Variants in NIBAN2 observed in about 807,000 individuals in gnomAD.
NIBAN2 encodes niban apoptosis regulator 2, also known as protein Niban 2.
Under a neutral mutation model 81.8 loss-of-function variants are expected in NIBAN2, and 36 were observed. That is an observed-to-expected ratio of 0.44 (90% CI 0.34 to 0.58). The LOEUF (loss-of-function observed/expected upper bound fraction) is 0.58. Ranked by LOEUF, NIBAN2 falls within the 20% of genes least tolerant of loss-of-function variation. The pLI is 0.02. For synonymous variants in NIBAN2, 445 were observed against 441.6 expected (o/e 1.01, Z -0.10); for missense variants, 897 against 1,014.1 (o/e 0.88, Z 1.57).
At chr9:127,525,235 G>T in intron 3 of NIBAN2, 72 bp from the exon 4 acceptor site, 1 of 1,153,928 alleles carries the variant, frequency 8.7e-7, no homozygotes, top group Non-Finnish European at 1.3e-6. Flanking sequence ...TGGCTTCAAG[G>T]CCCTACTCAG....
At chr9:127,553,054 G>A (rs1837607438) in intron 1 of NIBAN2, among the ~76,000 whole-genome samples, 2 of 152,150 alleles carry the variant, frequency 1.3e-5, no homozygotes, top group Non-Finnish European at 2.9e-5. Context: ...TAAGGTAGAA[G>A]AACAAATTAT....
chr9:127,555,503 C>T (rs1383846933), intron 1 of NIBAN2, among the ~76,000 whole-genome samples: 1 of 152,226 alleles, frequency 6.6e-6, no homozygotes, highest in African/African-American at 2.4e-5. Flanking sequence ...CAGCGGCGGA[C>T]CCTGGGCCTC....
rs1564320643 is a variant in NIBAN2 at position 127,563,984 on chromosome 9, T to C, written c.55+4836A>G. On this transcript the variant is annotated intron_variant, in intron 1 of 13. Coordinates refer to ENST00000373312, the MANE Select transcript of NIBAN2 (RefSeq NM_022833.4). This position sits in a 1 kb window ranked among gnomAD's most constrained non-coding sequence, Gnocchi z 4.1. The stretch of plus-strand genomic sequence containing the variant: ...ACGCCTGCTGCCTTCTTAAAGGCTA[T>C]GTGTCCATCTATCAAAAGGTGACCC... Among the ~76,000 whole-genome samples, 1 of 152,178 alleles carries C rather than the reference T, an allele frequency of 6.6e-6. No homozygotes were observed. Among genetic ancestry groups the C allele is most frequent in the Non-Finnish European group, 1.5e-5 (1 of 68,026 alleles).
chr9:127,520,425 A>G (rs1458890499), intron 5 of NIBAN2, among the ~76,000 whole-genome samples: 1 of 151,756 alleles, frequency 6.6e-6, no homozygotes, highest in Non-Finnish European at 1.5e-5. Flanking sequence ...TTTAGTAGAG[A>G]TGGGTTTTCA....
chr9:127,521,894 C>T (rs1038937109), intron 5 of NIBAN2, among the ~76,000 whole-genome samples: 1 of 152,238 alleles, frequency 6.6e-6, no homozygotes, highest in Non-Finnish European at 1.5e-5. Flanking sequence ...CAGCTCTTCC[C>T]AATCATCTCT....
At chr9:127,572,294 G>A (rs772830796), upstream of NIBAN2, among the ~76,000 whole-genome samples, 1 of 152,180 alleles carries the variant, frequency 6.6e-6, no homozygotes, top group African/African-American at 2.4e-5. Flanking sequence ...GATTACAGGT[G>A]TGAGCCACCA....
At chr9:127,527,357 G>A in intron 2 of NIBAN2, 35 bp from the exon 3 acceptor site, 1 of 1,595,614 alleles carries the variant, frequency 6.3e-7, no homozygotes, top group African/African-American at 1.3e-5. Flanking sequence ...TGAGGCCCAG[G>A]TCTGGGGGGG....
At position 127,508,354 on chromosome 9, in the gene NIBAN2, G is replaced by A; in HGVS notation, c.1434+68C>T. On this transcript the variant is annotated intron_variant, in intron 11 of 13. Coordinates refer to ENST00000373312, the MANE Select transcript of NIBAN2 (RefSeq NM_022833.4). The surrounding 1 kb of genome is among the most constrained non-coding windows in gnomAD (Gnocchi z 6.4). ...TTGCAGGGACAGCAATCCTGGTGGT[G>A]GCCGGGGATGAGGCTCGGGGCTCGG... 7.0e-7 allele frequency: 1 copy of A among 1,431,966 alleles called. No individual in the cohort carries two copies. The highest frequency in any genetic ancestry group is 9.8e-7 in the Non-Finnish European group (1 of 1,025,112). The allele number at this position is 1,431,966 out of a possible 1,614,324, so 88.7% of individuals were successfully genotyped here. A position where few individuals can be genotyped will look rare whatever the true frequency, so the allele number is the denominator to read the frequency against.
At position 127,527,247 on chromosome 9, in the gene NIBAN2, G is replaced by T. The variant is rs1276306450; in HGVS notation, c.262C>A (p.Arg88Ser). Residue 88 changes from arginine to serine, a missense_variant, in exon 3 of 14, where the codon CGC (arginine) becomes AGC (serine). This residue lies in a region of NIBAN2 where 209 missense variants were observed against 208.4 expected (regional missense o/e 1.00). Transcript: ENST00000373312. ...TAGTTGTGGGGCACGAGGCTGAAGC[G>T]GTTTCTCCACTTCTTGCTGTCCTCC... ...HQEDSKKWRN[R>S]FSLVPHNYGL... The T allele has an allele frequency of 1.2e-6, 2 of 1,613,928 alleles. No individual in the cohort carries two copies. Among genetic ancestry groups the T allele is most frequent in the Non-Finnish European group, 1.7e-6 (2 of 1,180,026 alleles).
intron 1 of NIBAN2, among the ~76,000 whole-genome samples, chr9:127,533,003 G>C (rs1197296353): frequency 6.6e-6 from 1 of 151,676 alleles, no homozygotes; most frequent in Non-Finnish European, 1.5e-5. Context: ...ACTAAAAATA[G>C]AAAAATTAGC....
chr9:127,567,958 G>A (rs1171746832), intron 1 of NIBAN2, among the ~76,000 whole-genome samples: 3 of 152,152 alleles, frequency 2.0e-5, no homozygotes, highest in African/African-American at 7.2e-5. Context: ...AGGAGAGATC[G>A]GCCAGAGAGG....
chr9:127,578,667 T>TAAAAA (rs1015593125), intron 1 of NIBAN2, among the ~76,000 whole-genome samples: 2 of 137,976 alleles, frequency 1.4e-5, no homozygotes, highest in East Asian at 4.2e-4. Flanking sequence ...AAACTCCGCC[T>TAAAAA]AAAAAAAAAA....
At chr9:127,575,526 C>CTTTTTTTTTT (rs60340873) in intron 1 of NIBAN2, among the ~76,000 whole-genome samples, 1 of 122,320 alleles carries the variant, frequency 8.2e-6, no homozygotes, top group African/African-American at 3.2e-5. Context: ...GTGCTGGGCC[C>CTTTTTTTTTT]TTTTTTTTTT....
At chr9:127,553,435 C>T (rs1432486198) in intron 1 of NIBAN2, among the ~76,000 whole-genome samples, 2 of 152,214 alleles carry the variant, frequency 1.3e-5, no homozygotes, top group Admixed American at 1.3e-4. Context: ...GGACTGAACC[C>T]CGAGGACGGA....
rs1394140479 is a variant in NIBAN2, at chr9:127,507,597, T to C, written c.1655-166A>G. On this transcript the variant is annotated intron_variant, in intron 13 of 13. Coordinates refer to ENST00000373312, the MANE Select transcript of NIBAN2 (RefSeq NM_022833.4). This position sits in a 1 kb window ranked among gnomAD's most constrained non-coding sequence, Gnocchi z 6.8. The stretch of plus-strand genomic sequence containing the variant: ...TGAAAGCAGCAAGGCCGTGATGCTA[T>C]CTCCAGGCCCAGGCTGCTGACCACA... Among the ~76,000 whole-genome samples the C allele has an allele frequency of 6.6e-6, 1 of 152,096 alleles. No homozygotes were observed. The highest frequency in any genetic ancestry group is 1.5e-5 in the Non-Finnish European group (1 of 68,006).
In NIBAN2 at chr9:127,510,347, G is replaced by A. The variant is rs751039998; in HGVS notation, c.974-14C>T. ...GGAGGATGAAGGCTGTGCCCCGAGG[G>A]AGCCGGGTCAGCAGGGGCTCCCCAA... On this transcript the variant is annotated splice_polypyrimidine_tract_variant and intron_variant, in intron 8 of 13. Transcript: ENST00000373312. The A allele has an allele frequency of 1.8e-5, 28 of 1,579,244 alleles. No individual in the cohort carries two copies. In the South Asian group the frequency reaches 3.0e-4, roughly 17 times the overall value.
At chr9:127,525,388 A>T (rs530501174) in intron 3 of NIBAN2, among the ~76,000 whole-genome samples, 2 of 152,332 alleles carry the variant, frequency 1.3e-5, no homozygotes, top group East Asian at 3.9e-4. Context: ...TCCTGGCTTC[A>T]CTGGGTAGTG....
rs1412683798 is a variant in NIBAN2, at chr9:127,507,376, G to T, written c.1710C>A (p.Val570=). 24 of 1,527,758 alleles carry T rather than the reference G, an allele frequency of 1.6e-5. No homozygotes were observed. The highest frequency in any genetic ancestry group is 2.0e-5 in the Non-Finnish European group (23 of 1,137,396). 94.6% of individuals were successfully genotyped at this position (1,527,758 alleles called of 1,614,324 possible). ...RKHNLYRDSM[V]MHNSDPNLHL... is the part of the protein sequence containing the mutation. ...GCAGGTTGGGGTCGCTGTTGTGCAT[G>T]ACCATGCTGTCCCGGTAGAGGTTGT... Residue 570 remains valine, a synonymous_variant, in exon 14 of 14, where the codon GTC becomes GTA. Transcript: ENST00000373312. The surrounding 1 kb of genome is among the most constrained non-coding windows in gnomAD (Gnocchi z 6.8).
Position 127,507,804 on chromosome 9 carries a change from C to A in NIBAN2, c.1654+63G>T. 1.4e-6 allele frequency: 2 copies of A among 1,461,446 alleles called. No individual in the cohort carries two copies. The highest frequency in any genetic ancestry group is 1.9e-6 in the Non-Finnish European group (2 of 1,042,832). 90.5% of individuals were successfully genotyped at this position (1,461,446 alleles called of 1,614,324 possible). A position where few individuals can be genotyped will look rare whatever the true frequency, so the allele number is the denominator to read the frequency against. On this transcript the variant is annotated intron_variant, in intron 13 of 13. Coordinates refer to ENST00000373312, the MANE Select transcript of NIBAN2 (RefSeq NM_022833.4). This position sits in a 1 kb window ranked among gnomAD's most constrained non-coding sequence, Gnocchi z 6.8. ...CTTAGCTGACCCCCTCAGCTGCCAC[C>A]ACTTCTCAGCTGCGCCCCCAGCATC... is the stretch of plus-strand genomic sequence containing the variant.
Sources: gnomAD v4.1 joint callset for allele counts (sites outside exome capture counted in the v4.1 genomes callset) on GRCh38, gnomAD v4.1.1 for gene constraint, gnomAD v4.1.1 regional missense constraint, Gnocchi (gnomAD v3.1) non-coding constraint, MANE v1.5 for transcripts, NCBI Gene and HGNC (gene_info 2026-07-23, HGNC 2026-07-21) for gene names.